The following COG1 variants were observed in gnomAD, a reference collection of about 807,000 sequenced individuals.
COG1 encodes conserved oligomeric Golgi complex subunit 1.
In COG1, 61 loss-of-function variants were observed where a neutral mutation model predicts 102.2. The observed-to-expected ratio is 0.60, with a 90% confidence interval of 0.49 to 0.74. COG1 has a LOEUF of 0.74. Ranked by LOEUF, COG1 falls within the 30% of genes least tolerant of loss-of-function variation. The pLI, the probability that COG1 is intolerant of heterozygous loss-of-function variation, is 0.00. For missense variants in COG1, 1,164 were observed against 1,232.1 expected, an observed-to-expected ratio of 0.94 and a Z score of 0.83; for synonymous variants, 454 against 493.6, an observed-to-expected ratio of 0.92 and a Z score of 1.06.
rs1166159224 is a variant in COG1 at position 73,200,600 on chromosome 17, C to T, written c.1105C>T (p.Leu369=). ...NEDIKNGITN[L]LMYVKSMKGL... ...AGACATTAAAAATGGGATCACCAAC[C>T]TGCTCATGTACGTGAAGAGCATGAA... is the stretch of plus-strand genomic sequence containing the variant. Residue 369 remains leucine (L), a synonymous_variant, in exon 6 of 14, where the codon CTG becomes TTG. Coordinates refer to ENST00000299886, the MANE Select transcript of COG1 (RefSeq NM_018714.3). The T allele has an allele frequency of 6.2e-7, 1 of 1,614,138 alleles. No individual in the cohort carries two copies. Among genetic ancestry groups the T allele is most frequent in the Admixed American group, 1.7e-5 (1 of 60,008 alleles).
Position 73,196,873 on chromosome 17 carries a change from T to C in COG1, c.561-27T>C. 3 of 1,614,134 alleles carry C rather than the reference T, an allele frequency of 1.9e-6. No individual in the cohort carries two copies. The South Asian group carries it at 3.3e-5, about 18-fold the overall frequency. ...TTTACCCAAGATGTGAAAAACACCC[T>C]GGCGACTTCTGTCATCATTTTTCTA... On this transcript the variant is annotated intron_variant, in intron 2 of 13. Transcript: ENST00000299886.
chr17:73,200,098 A>G, intron 5 of COG1, 77 bp downstream of exon 5: 1 of 1,511,092 alleles, frequency 6.6e-7, no homozygotes, highest in Non-Finnish European at 9.0e-7. Flanking sequence ...TACAAGGGTC[A>G]GCGAGGCATG....
At chr17:73,193,500 T>G in intron 1 of COG1, 116 bp downstream of exon 1, 1 of 1,048,490 alleles carries the variant, frequency 9.5e-7, no homozygotes, top group Non-Finnish European at 1.3e-6. Context: ...TCACCTTCCT[T>G]AGCCAGGAGC....
Position 73,193,067 on chromosome 17 carries a change from A to C in COG1, c.-3A>C, listed in dbSNP as rs746216268. ...TAGATCGCCGGGGGCTGACGAGTGC[A>C]CCATGGCCACCGCGGCAACCTCACC... On this transcript the variant is annotated 5_prime_UTR_variant, in exon 1 of 14. Coordinates refer to ENST00000299886, the MANE Select transcript of COG1 (RefSeq NM_018714.3). 1 of 1,460,760 alleles carries C rather than the reference A, an allele frequency of 6.8e-7. No homozygotes were observed. The highest frequency in any genetic ancestry group is 1.1e-5 in the South Asian group (1 of 89,220). 90.5% of individuals were successfully genotyped at this position (1,460,760 alleles called of 1,614,324 possible). A position where few individuals can be genotyped will look rare whatever the true frequency, so the allele number is the denominator to read the frequency against.
rs1473341760 is a variant in COG1 at position 73,201,144 on chromosome 17, T to C, written c.1317T>C (p.Ser439=). 1.2e-6 allele frequency: 2 copies of C among 1,614,184 alleles called. No individual in the cohort carries two copies. Among genetic ancestry groups the C allele is most frequent in the Non-Finnish European group, 1.7e-6 (2 of 1,180,022 alleles). The change falls in exon 7 of 14, where the codon AGT becomes AGC. Residue 439 remains serine (S), a synonymous_variant. Transcript: ENST00000299886. ...LTKEGFDSIS[S]SSKELLVSAL... is the part of the protein sequence containing the mutation. ...AAGAAGGCTTTGACTCCATCTCCAG[T>C]AGCTCCAAGGAGCTCTTGGTTTCAG... is the stretch of plus-strand genomic sequence containing the variant.
At chr17:73,198,336 C>T (rs2061333587) in intron 4 of COG1, among the ~76,000 whole-genome samples, 1 of 152,192 alleles carries the variant, frequency 6.6e-6, no homozygotes, top group African/African-American at 2.4e-5. Flanking sequence ...AGTGCTGTGG[C>T]TCACATCTGT....
Position 73,196,607 on chromosome 17 carries a change from A to G in COG1, c.416A>G (p.Gln139Arg), listed in dbSNP as rs751246825. 3.1e-6 allele frequency: 5 copies of G among 1,614,194 alleles called. No homozygotes were observed. In the South Asian group the frequency reaches 5.5e-5, roughly 18 times the overall value. ...EKIWSSMEAS[Q>R]CLHATQLYLL... is the part of the protein sequence containing the mutation. ...ATCTGGAGCTCGATGGAAGCCTCTC[A>G]GTGTCTCCACGCCACACAGCTCTAC... The change falls in exon 2 of 14, where the codon CAG becomes CGG. Residue 139 changes from glutamine to arginine, a missense_variant. Transcript: ENST00000299886.
At chr17:73,196,337 ACT>A (rs2061324843) in intron 1 of COG1, 168 bp from the exon 2 acceptor site, 2 of 980,566 alleles carry the variant, frequency 2.0e-6, no homozygotes, top group South Asian at 2.8e-5. Flanking sequence ...AACACTCCTG[ACT>A]CTGGCAACTC....
rs1568294986 is a variant in COG1 at position 73,196,616 on chromosome 17, AC to A, written c.426del (p.His142GlnfsTer74). 6.2e-7 allele frequency: 1 copy of A among 1,614,162 alleles called. No homozygotes were observed. Among genetic ancestry groups the A allele is most frequent in the Admixed American group, 1.7e-5 (1 of 60,024 alleles). On this transcript the variant is annotated frameshift_variant, in exon 2 of 14. Coordinates refer to ENST00000299886, the MANE Select transcript of COG1 (RefSeq NM_018714.3). LOFTEE classifies it high-confidence loss of function. ...WSSMEASQCL[H>X]ATQLYLLCCH... ...TCGATGGAAGCCTCTCAGTGTCTCC[AC>A]GCCACACAGCTCTACCTGCTCTGCT...
Position 73,199,846 on chromosome 17 carries a change from C to T in COG1, c.914-19C>T, listed in dbSNP as rs775416328. The T allele has an allele frequency of 6.2e-7, 1 of 1,614,048 alleles. No homozygotes were observed. The highest frequency in any genetic ancestry group is 8.5e-7 in the Non-Finnish European group (1 of 1,180,022). Reference sequence around the variant, plus strand: ...TCAAAGGGTGGCCTAGATGGCTTCTCACTTGGCCTTCTCTTTAGGAAAGGG... The same window carrying T: ...TCAAAGGGTGGCCTAGATGGCTTCTTACTTGGCCTTCTCTTTAGGAAAGGG... On this transcript the variant is annotated intron_variant, in intron 4 of 13. Transcript: ENST00000299886.
chr17:73,196,326 C>A (rs996711959), intron 1 of COG1, among the ~76,000 whole-genome samples, 181 bp from the exon 2 acceptor site: 2 of 152,174 alleles, frequency 1.3e-5, no homozygotes, highest in Non-Finnish European at 1.5e-5. Context: ...TGGGATCTTA[C>A]AACACTCCTG....
rs1568295412 is a variant in COG1, at chr17:73,197,374, C to T, written c.891C>T (p.Thr297=). 3.7e-6 allele frequency: 6 copies of T among 1,614,158 alleles called. No individual in the cohort carries two copies. The highest frequency in any genetic ancestry group is 5.1e-6 in the Non-Finnish European group (6 of 1,180,040). The change falls in exon 4 of 14, where the codon ACC becomes ACT. Residue 297 remains threonine (T), a synonymous_variant. Coordinates refer to ENST00000299886, the MANE Select transcript of COG1 (RefSeq NM_018714.3). The stretch of plus-strand genomic sequence containing the variant: ...GCTTGCTCTTCTCTACTCTGGAGAC[C>T]ATCACAGGCCAGCATCCTGCCGGTG... ...PCGLLFSTLE[T]ITGQHPAGKG...
intron 13 of COG1, 175 bp from the exon 14 acceptor site, chr17:73,208,139 T>C (rs940147997): frequency 5.6e-5 from 84 of 1,497,988 alleles, no homozygotes; most frequent in Non-Finnish European, 6.7e-5. Flanking sequence ...AGGCTCATGC[T>C]GTTCCGTGTC....
Position 73,193,173 on chromosome 17 carries a change from G to A in COG1, c.104G>A (p.Arg35His). 1 of 1,607,612 alleles carries A rather than the reference G, an allele frequency of 6.2e-7. No homozygotes were observed. The highest frequency in any genetic ancestry group is 8.5e-7 in the Non-Finnish European group (1 of 1,177,662). Residue 35 changes from arginine to histidine, a missense_variant, in exon 1 of 14, where the codon CGC (arginine) becomes CAC (histidine). Transcript: ENST00000299886. The part of the protein sequence containing the change: ...HGAEEIRGLE[R>H]QVRAEIEHKK... ...GCGGAGGAGATCCGCGGGCTGGAGC[G>A]CCAGGTTCGGGCCGAGATCGAGCAC...
At chr17:73,206,579 T>A (rs7209284) in intron 11 of COG1, 129 bp from the exon 12 acceptor site, 1 of 740,680 alleles carries the variant, frequency 1.4e-6, no homozygotes, top group Non-Finnish European at 2.4e-6. Context: ...GAAGCATAAA[T>A]GCACTCAGAA....
intron 1 of COG1, 67 bp downstream of exon 1, chr17:73,193,451 A>T: frequency 7.3e-7 from 1 of 1,362,410 alleles, no homozygotes; most frequent in Non-Finnish European, 9.4e-7. Context: ...TTGCAGGTCA[A>T]CCCCGCCCCC....
Position 73,193,333 on chromosome 17 carries a change from C to T in COG1, c.264C>T (p.Ala88=), listed in dbSNP as rs763153563. ...TGAAGGCCACCGACCAGTACTGCGC[C>T]CGCCTCCGCCAGGCCGGCTCGGCCG... ...DAVKATDQYC[A]RLRQAGSAAP... The change falls in exon 1 of 14, where the codon GCC becomes GCT. Residue 88 remains alanine (A), a synonymous_variant. Transcript: ENST00000299886. 9 of 1,536,964 alleles carry T rather than the reference C, an allele frequency of 5.9e-6. No individual in the cohort carries two copies. Among genetic ancestry groups the T allele is most frequent in the Non-Finnish European group, 7.9e-6 (9 of 1,144,508 alleles).
At chr17:73,199,242 C>T (rs1362819611) in intron 4 of COG1, among the ~76,000 whole-genome samples, 2 of 152,206 alleles carry the variant, frequency 1.3e-5, no homozygotes, top group African/African-American at 4.8e-5. Flanking sequence ...CGATTCTTTC[C>T]TTCCATCTTC....
chr17:73,201,047 C>G, intron 6 of COG1, 62 bp from the exon 7 acceptor site: 1 of 1,455,828 alleles, frequency 6.9e-7, no homozygotes, highest in African/African-American at 1.4e-5. Context: ...CCATTTGGTA[C>G]TTTTGTTTTG....
Sources: gnomAD v4.1 joint callset for allele counts (sites outside exome capture counted in the v4.1 genomes callset) on GRCh38, gnomAD v4.1.1 for gene constraint, MANE v1.5 for transcripts, NCBI Gene and HGNC (gene_info 2026-07-23, HGNC 2026-07-21) for gene names.